TTC7A: variants seen among roughly 807,000 people sequenced by gnomAD.
TTC7A encodes tetratricopeptide repeat protein 7A.
Under a neutral mutation model 103.7 loss-of-function variants are expected in TTC7A, and 110 were observed. That is an observed-to-expected ratio of 1.06 (90% CI 0.91 to 1.24). The LOEUF is 1.24. Ranked by LOEUF, TTC7A falls within the 50% of genes most tolerant of loss-of-function variation. The pLI is 0.00. For missense variants in TTC7A, 1,340 were observed against 1,116.3 expected, an observed-to-expected ratio of 1.20 and a Z score of -2.86; for synonymous variants, 521 against 467.9, an observed-to-expected ratio of 1.11 and a Z score of -1.47.
Position 47,021,926 on chromosome 2 carries a change from T to A in TTC7A, c.1457T>A (p.Leu486His). The change falls in exon 12 of 20, where the codon CTC (leucine) becomes CAC (histidine). Residue 486 changes from leucine to histidine, a missense_variant. By Grantham distance (99) the Leu-to-His change is moderately conservative. Transcript: ENST00000319190. ...CTCGGAGAGGAAGCCGGGGAGTTCCTCCCCAAGGGCTACCTGGCTCTGGGT... is the reference window on the plus strand; with the variant it reads ...CTCGGAGAGGAAGCCGGGGAGTTCCACCCCAAGGGCTACCTGGCTCTGGGT... Reference protein sequence around the residue: ...ISLGEEAGEFLPKGYLALGLT... With the variant: ...ISLGEEAGEFHPKGYLALGLT... The A allele has an allele frequency of 6.2e-7, 1 of 1,614,078 alleles. No individual in the cohort carries two copies. Among genetic ancestry groups the A allele is most frequent in the Non-Finnish European group, 8.5e-7 (1 of 1,179,962 alleles).
At chr2:47,005,126 G>C (rs984466103) in intron 8 of TTC7A, among the ~76,000 whole-genome samples, 1 of 152,238 alleles carries the variant, frequency 6.6e-6, no homozygotes, top group Non-Finnish European at 1.5e-5. Context: ...GACGCCAAGA[G>C]CAGAGTTCTT....
chr2:46,919,047 T>G (rs965857095), intron 2 of TTC7A, among the ~76,000 whole-genome samples: 3 of 152,168 alleles, frequency 2.0e-5, no homozygotes, highest in African/African-American at 7.2e-5. Flanking sequence ...GGCCTCTAGG[T>G]GGCATCTCTT....
In TTC7A at chr2:47,035,127, A is replaced by G. The variant is rs190313112; in HGVS notation, c.1802+5743A>G. On this transcript the variant is annotated intron_variant, in intron 15 of 19. Transcript: ENST00000319190. ...TGTATATTTCTCGTGGTATATTCCA[A>G]TGAGCAGGGGGGATGAGTCCCGGGG... Among the ~76,000 whole-genome samples the G allele has an allele frequency of 5.5e-3, 830 of 152,262 alleles. 9 individuals carry two copies. The highest frequency in any genetic ancestry group is 0.019 in the African/African-American group (786 of 41,534).
At chr2:46,953,070 A>C (rs943374965) in intron 2 of TTC7A, among the ~76,000 whole-genome samples, 2 of 152,250 alleles carry the variant, frequency 1.3e-5, no homozygotes, top group Non-Finnish European at 2.9e-5. Context: ...ATATATAGGC[A>C]CCAATAATGT....
chr2:46,995,099 G>A (rs1369231933), intron 7 of TTC7A, 37 bp from the exon 8 acceptor site: 2 of 1,609,726 alleles, frequency 1.2e-6, no homozygotes, highest in Admixed American at 1.7e-5. Context: ...CTGGTGAGGT[G>A]TGTGCTCTAG....
At chr2:46,918,445 T>A (rs1668931914) in intron 2 of TTC7A, among the ~76,000 whole-genome samples, 1 of 152,232 alleles carries the variant, frequency 6.6e-6, no homozygotes, top group Admixed American at 6.5e-5. Context: ...GCTTCCATTC[T>A]TGCCCTACTG....
intron 2 of TTC7A, among the ~76,000 whole-genome samples, chr2:46,952,261 C>T (rs775138974): frequency 2.6e-5 from 4 of 152,004 alleles, no homozygotes; most frequent in Non-Finnish European, 5.9e-5. Flanking sequence ...ACAGACCTTC[C>T]AGTTTCTCAT....
At chr2:46,989,061 A>G (rs1213306150) in intron 5 of TTC7A, among the ~76,000 whole-genome samples, 1 of 152,198 alleles carries the variant, frequency 6.6e-6, no homozygotes, top group East Asian at 1.9e-4. Flanking sequence ...AGGTAAAGGA[A>G]GGGCTCCGCG....
chr2:47,024,158 G>A (rs908793841), intron 13 of TTC7A, 129 bp from the exon 14 acceptor site: 1 of 771,502 alleles, frequency 1.3e-6, no homozygotes, highest in African/African-American at 1.8e-5. Flanking sequence ...CTCTGAGGCA[G>A]AGCCTGGCAG....
chr2:46,984,066 C>T (rs1373221852), intron 5 of TTC7A, among the ~76,000 whole-genome samples: 2 of 152,228 alleles, frequency 1.3e-5, no homozygotes, highest in African/African-American at 4.8e-5. Flanking sequence ...TTAGTCCTCC[C>T]AGTATTCCCT....
chr2:46,941,810 G>A lies in TTC7A; in HGVS notation c.184+85G>A, dbSNP rs977098720. On this transcript the variant is annotated intron_variant, in intron 1 of 19. Transcript: ENST00000319190. The surrounding 1 kb of genome is among the most constrained non-coding windows in gnomAD (Gnocchi z 4.2). Reference sequence around the variant, plus strand: ...CAGGAAGCGCGCCCAGACAGTCCTCGGCCGACAGCGGGCGCCTGCCAGCCC... The same window carrying A: ...CAGGAAGCGCGCCCAGACAGTCCTCAGCCGACAGCGGGCGCCTGCCAGCCC... 3.3e-6 allele frequency: 5 copies of A among 1,506,320 alleles called. No homozygotes were observed. The highest frequency in any genetic ancestry group is 4.5e-6 in the Non-Finnish European group (5 of 1,116,270). The allele number at this position is 1,506,320 out of a possible 1,614,324, so 93.3% of individuals were successfully genotyped here.
intron 13 of TTC7A, 44 bp downstream of exon 13, chr2:47,023,509 G>A (rs1391471824): frequency 1.2e-6 from 2 of 1,602,114 alleles, no homozygotes; most frequent in Admixed American, 1.7e-5. Flanking sequence ...CTTGCCTTTG[G>A]TGGCAGATTC....
At position 47,021,985 on chromosome 2, in the gene TTC7A, T is replaced by C. The variant is rs1679341967; in HGVS notation, c.1510+6T>C. 6.2e-7 allele frequency: 1 copy of C among 1,601,896 alleles called. No homozygotes were observed. The highest frequency in any genetic ancestry group is 8.5e-7 in the Non-Finnish European group (1 of 1,170,368). ...TAGCCTGCAGGCCACCGACGGTGAG[T>C]GCCAGGCCCCAGGAGGCCTCTACTT... On this transcript the variant is annotated splice_donor_region_variant and intron_variant, in intron 12 of 19. Transcript: ENST00000319190.
At chr2:46,934,260 CGAT>C (rs1256757338) in intron 2 of TTC7A, among the ~76,000 whole-genome samples, 2 of 152,146 alleles carry the variant, frequency 1.3e-5, no homozygotes, top group East Asian at 3.8e-4. Flanking sequence ...TAAATGAACT[CGAT>C]GACTTTTGTT....
At chr2:47,069,447 G>A (rs1381102177) in intron 19 of TTC7A, among the ~76,000 whole-genome samples, 1 of 152,176 alleles carries the variant, frequency 6.6e-6, no homozygotes, top group African/African-American at 2.4e-5. Flanking sequence ...TGGGCTCCTT[G>A]TGAGTCTGGG....
intron 8 of TTC7A, among the ~76,000 whole-genome samples, chr2:47,002,157 G>T (rs894135450): frequency 2.0e-5 from 3 of 152,208 alleles, no homozygotes. Context: ...TACCCTAGGA[G>T]AACAGCCGGA....
intron 1 of TTC7A, among the ~76,000 whole-genome samples, chr2:46,944,483 G>T (rs888484786): frequency 6.6e-6 from 1 of 150,686 alleles, no homozygotes; most frequent in Non-Finnish European, 1.5e-5. Context: ...GGGCTCAAGG[G>T]AACCTTCCAC....
chr2:47,056,217 C>G (rs1683299817), intron 18 of TTC7A, among the ~76,000 whole-genome samples: 1 of 152,234 alleles, frequency 6.6e-6, no homozygotes. Flanking sequence ...TTGCCCTCTC[C>G]CCACCTTCCT....
chr2:47,063,557 T>A (rs1683955855), intron 19 of TTC7A, among the ~76,000 whole-genome samples: 1 of 152,246 alleles, frequency 6.6e-6, no homozygotes, highest in Non-Finnish European at 1.5e-5. Context: ...CCATCAGTCA[T>A]CTGAGCCTTT....
Sources: gnomAD v4.1 joint callset for allele counts (sites outside exome capture counted in the v4.1 genomes callset) on GRCh38, gnomAD v4.1.1 for gene constraint, Gnocchi (gnomAD v3.1) non-coding constraint, MANE v1.5 for transcripts, NCBI Gene and HGNC (gene_info 2026-07-23, HGNC 2026-07-21) for gene names.